The following PACSIN1 variants were observed in gnomAD, a reference collection of about 807,000 sequenced individuals.
PACSIN1 encodes protein kinase C and casein kinase substrate in neurons protein 1.
Under a neutral mutation model 59.5 loss-of-function variants are expected in PACSIN1, and 15 were observed. That is an observed-to-expected ratio of 0.25 (90% confidence interval 0.17 to 0.39). PACSIN1 has a LOEUF of 0.39. Among genes scored for constraint, PACSIN1 ranks in the 10% least tolerant of loss-of-function variants. The probability of loss-of-function intolerance (pLI) is 1.00; values close to 1 mark genes in which losing one functional copy is unlikely to be tolerated. For synonymous variants in PACSIN1, 210 were observed against 220.6 expected (o/e 0.95, Z 0.42); for missense variants, 420 against 580.2 (o/e 0.72, Z 2.84).
chr6:34,520,910 G>A (rs1767380619), intron 1 of PACSIN1, among the ~76,000 whole-genome samples: 1 of 152,140 alleles, frequency 6.6e-6, no homozygotes, highest in African/African-American at 2.4e-5. Flanking sequence ...CATCATCATC[G>A]TCAACATTGG....
At chr6:34,466,300 G>C (rs899491190) in intron 1 of PACSIN1, 30 bp downstream of exon 1, 1 of 152,284 alleles carries the variant, frequency 6.6e-6, no homozygotes, top group African/African-American at 2.4e-5. Context: ...AATAGAGGGC[G>C]GGGGGGTTGT....
rs190726207 is a variant in PACSIN1 at position 34,490,286 on chromosome 6, T to G, written c.-64+24016T>G. Among the ~76,000 whole-genome samples, 971 of 150,502 alleles carry G rather than the reference T, an allele frequency of 6.5e-3. 9 individuals are homozygous for G. The highest frequency in any genetic ancestry group is 0.014 in the African/African-American group (557 of 40,822). On this transcript the variant is annotated intron_variant, in intron 1 of 9. Coordinates refer to ENST00000244458, the MANE Select transcript of PACSIN1 (RefSeq NM_020804.5). Reference sequence around the variant, plus strand: ...CTCCCTATGTTGCCCAGGCTGATCTTGAACTCCTAGGCCCAAGGGATCCTC... The same window carrying G: ...CTCCCTATGTTGCCCAGGCTGATCTGGAACTCCTAGGCCCAAGGGATCCTC...
At chr6:34,475,318 T>TA (rs1352215989) in intron 1 of PACSIN1, among the ~76,000 whole-genome samples, 1 of 151,998 alleles carries the variant, frequency 6.6e-6, no homozygotes, top group African/African-American at 2.4e-5. Context: ...AAAAAAAAAT[T>TA]AAAAAAACAC....
chr6:34,477,316 T>A (rs1766651933), intron 1 of PACSIN1, among the ~76,000 whole-genome samples: 1 of 148,372 alleles, frequency 6.7e-6, no homozygotes, highest in Non-Finnish European at 1.5e-5. Flanking sequence ...CATAGGGAGA[T>A]GCTGTCTCTA....
chr6:34,511,965 C>T (rs761391896), intron 1 of PACSIN1, among the ~76,000 whole-genome samples: 64 of 152,050 alleles, frequency 4.2e-4, no homozygotes, highest in African/African-American at 7.3e-5. Context: ...AGACACCCTC[C>T]TCTGATCTCA....
chr6:34,511,389 C>T (rs973084586), intron 1 of PACSIN1, among the ~76,000 whole-genome samples: 2 of 152,160 alleles, frequency 1.3e-5, no homozygotes, highest in Non-Finnish European at 2.9e-5. Context: ...CAGGTGGTGC[C>T]CAGGCTGCTG....
intron 1 of PACSIN1, among the ~76,000 whole-genome samples, chr6:34,507,370 A>T (rs944150087): frequency 6.6e-6 from 1 of 151,934 alleles, no homozygotes; most frequent in African/African-American, 2.4e-5. Context: ...TGTTTGTTTT[A>T]TATATAGGGG....
At chr6:34,494,719 G>C (rs151247873) in intron 1 of PACSIN1, among the ~76,000 whole-genome samples, 1 of 152,130 alleles carries the variant, frequency 6.6e-6, no homozygotes, top group South Asian at 2.1e-4. Flanking sequence ...GCTAGGCTAT[G>C]AGCCACCAAG....
intron 1 of PACSIN1, among the ~76,000 whole-genome samples, chr6:34,519,036 G>C (rs1767341160): frequency 6.6e-6 from 1 of 152,212 alleles, no homozygotes; most frequent in African/African-American, 2.4e-5. Context: ...GGGCTCTTAA[G>C]AGGGTGGCCG....
Position 34,534,418 on chromosome 6 carries a change from G to C in PACSIN1, c.*1888G>C, listed in dbSNP as rs1254287330. 6.5e-6 allele frequency: 1 copy of C among 152,780 alleles called. No individual in the cohort carries two copies. The highest frequency in any genetic ancestry group is 2.4e-5 in the African/African-American group (1 of 41,448). 9.5% of individuals were successfully genotyped at this position (152,780 alleles called of 1,614,324 possible). On this transcript the variant is annotated 3_prime_UTR_variant, in exon 10 of 10. Transcript: ENST00000244458. ...CCTGAGGTGTGTCCTGGGCTCCTCA[G>C]AGCCTGAAGCAAGCTTTTGGAAGCC...
At chr6:34,520,895 G>GTCA (rs575433881) in intron 1 of PACSIN1, among the ~76,000 whole-genome samples, 46 of 152,260 alleles carry the variant, frequency 3.0e-4, no homozygotes, top group African/African-American at 1.1e-3. Context: ...TTCTGGTTGT[G>GTCA]TCATCATCAT....
chr6:34,472,360 T>A (rs182598743), intron 1 of PACSIN1, among the ~76,000 whole-genome samples: 4 of 151,604 alleles, frequency 2.6e-5, no homozygotes, highest in Non-Finnish European at 5.9e-5. Flanking sequence ...CTGTTCATAT[T>A]TACATAACAA....
chr6:34,480,883 C>T (rs1025321872), intron 1 of PACSIN1, among the ~76,000 whole-genome samples: 3 of 149,832 alleles, frequency 2.0e-5, no homozygotes, highest in African/African-American at 7.3e-5. Context: ...CACATTCTTG[C>T]AGGTATGTGG....
At chr6:34,498,306 C>T (rs578143718) in intron 1 of PACSIN1, among the ~76,000 whole-genome samples, 11 of 152,204 alleles carry the variant, frequency 7.2e-5, no homozygotes, top group South Asian at 6.2e-4. Flanking sequence ...GTGATCCACC[C>T]GCTTCAGCCT....
At chr6:34,486,402 C>T (rs1231567708) in intron 1 of PACSIN1, among the ~76,000 whole-genome samples, 1 of 152,124 alleles carries the variant, frequency 6.6e-6, no homozygotes, top group Non-Finnish European at 1.5e-5. Context: ...GGAAGGGGGC[C>T]AGGTAAGTTG....
In PACSIN1 at chr6:34,518,428, C is replaced by A. The variant is rs989301318; in HGVS notation, c.-63-7815C>A. Among the ~76,000 whole-genome samples the A allele has an allele frequency of 1.3e-5, 2 of 152,154 alleles. No individual in the cohort carries two copies. Among genetic ancestry groups the A allele is most frequent in the Non-Finnish European group, 2.9e-5 (2 of 68,020 alleles). On this transcript the variant is annotated intron_variant, in intron 1 of 9. Transcript: ENST00000244458. This position sits in a 1 kb window ranked among gnomAD's most constrained non-coding sequence, Gnocchi z 4.4. ...ATGCCCCAGAGCAGACAGGAGGGGG[C>A]CCTGCCTTCCCAACAAGCTCCTGTC...
chr6:34,467,417 T>C lies in PACSIN1; in HGVS notation c.-64+1147T>C, dbSNP rs945107936. Among the ~76,000 whole-genome samples, 8 of 152,214 alleles carry C rather than the reference T, an allele frequency of 5.3e-5. No homozygotes were observed. In the South Asian group the frequency reaches 1.0e-3, roughly 20 times the overall value. On this transcript the variant is annotated intron_variant, in intron 1 of 9. Coordinates refer to ENST00000244458, the MANE Select transcript of PACSIN1 (RefSeq NM_020804.5). ...CTTGTGGAATGCATGACTTATTGAA[T>C]GAGTGAATGTAAACTCTGGGAAATA...
chr6:34,507,215 T>C (rs775478215), intron 1 of PACSIN1, among the ~76,000 whole-genome samples: 258 of 152,316 alleles, frequency 1.7e-3, no homozygotes, highest in Non-Finnish European at 3.3e-3. Flanking sequence ...TGTTTATTGG[T>C]ATTTCTGGGT....
chr6:34,471,052 T>A (rs1766565379), intron 1 of PACSIN1, among the ~76,000 whole-genome samples: 1 of 151,970 alleles, frequency 6.6e-6, no homozygotes, highest in African/African-American at 2.4e-5. Flanking sequence ...TTCAAGTGAT[T>A]CTCCTGCCTC....
Sources: gnomAD v4.1 joint callset for allele counts (sites outside exome capture counted in the v4.1 genomes callset) on GRCh38, gnomAD v4.1.1 for gene constraint, Gnocchi (gnomAD v3.1) non-coding constraint, MANE v1.5 for transcripts, NCBI Gene and HGNC (gene_info 2026-07-23, HGNC 2026-07-21) for gene names.